Variants in LRRIQ3 observed in about 807,000 individuals in gnomAD.
LRRIQ3 encodes the protein leucine rich repeats and IQ motif containing 3.
LRRIQ3 carries 75 observed loss-of-function variants against 59.3 expected under a neutral mutation model. That is an observed-to-expected ratio of 1.26 (90% CI 1.05 to 1.53). The LOEUF (loss-of-function observed/expected upper bound fraction) is 1.53. Among genes scored for constraint, LRRIQ3 ranks in the 40% most tolerant of loss-of-function variants. LRRIQ3 has a pLI of 0.00. For missense variants in LRRIQ3, 831 were observed against 710.0 expected, an observed-to-expected ratio of 1.17 and a Z score of -1.94; for synonymous variants, 250 against 231.3, an observed-to-expected ratio of 1.08 and a Z score of -0.73.
Position 74,076,353 on chromosome 1 carries a change from C to T in LRRIQ3, c.868-1563G>A, listed in dbSNP as rs192618660. Reference sequence around the variant, plus strand: ...TTGTGAAGTTCTTTATGGATATTAACTCATTTAATAATCAAAACAACCATA... The same window carrying T: ...TTGTGAAGTTCTTTATGGATATTAATTCATTTAATAATCAAAACAACCATA... On this transcript the variant is annotated intron_variant, in intron 5 of 7. Coordinates refer to ENST00000354431, the MANE Select transcript of LRRIQ3 (RefSeq NM_001105659.2). Among the ~76,000 whole-genome samples the T allele has an allele frequency of 1.1e-4, 17 of 152,190 alleles. No homozygotes were observed. The East Asian group carries it at 3.3e-3, about 29-fold the overall frequency.
chr1:74,093,072 T>G (rs1646411780), intron 5 of LRRIQ3, among the ~76,000 whole-genome samples: 1 of 151,784 alleles, frequency 6.6e-6, no homozygotes, highest in Non-Finnish European at 1.5e-5. Flanking sequence ...GGATAGAAAC[T>G]ACTGACATCA....
intron 1 of LRRIQ3, among the ~76,000 whole-genome samples, chr1:74,185,670 G>T (rs1005166522): frequency 6.6e-6 from 1 of 152,062 alleles, no homozygotes; most frequent in Non-Finnish European, 1.5e-5. Flanking sequence ...AGGGCCGGGC[G>T]CAGTGGCTCA....
rs1570114569 is a variant in LRRIQ3 at position 74,101,459 on chromosome 1, T to C, written c.867+7935A>G. Among the ~76,000 whole-genome samples, 4 of 152,294 alleles carry C rather than the reference T, an allele frequency of 2.6e-5. No individual in the cohort carries two copies. The South Asian group carries it at 8.3e-4, about 32-fold the overall frequency. On this transcript the variant is annotated intron_variant, in intron 5 of 7. Transcript: ENST00000354431. Reference sequence around the variant, plus strand: ...AATAGGAACACTTTTTATATGTTGATGGGACGGTAAACCAGTTCAAGCATT... The same window carrying C: ...AATAGGAACACTTTTTATATGTTGACGGGACGGTAAACCAGTTCAAGCATT...
intron 4 of LRRIQ3, among the ~76,000 whole-genome samples, chr1:74,145,121 G>A (rs111866378): frequency 3.0e-4 from 45 of 152,118 alleles, no homozygotes; most frequent in African/African-American, 9.4e-4. Flanking sequence ...TATCACTAGC[G>A]TATGAATGAC....
In LRRIQ3 at chr1:74,041,258, G is replaced by C; in HGVS notation, c.1673C>G (p.Ala558Gly). Reference protein sequence around the residue: ...KSLIVKQKLKAEKYRKNLLKE... With the variant: ...KSLIVKQKLKGEKYRKNLLKE... ...AAGTAAATTCTTTCTATATTTTTCT[G>C]CTTTTAGTTTTTGCTTAACAATCAG... Residue 558 changes from alanine (A) to glycine (G), a missense_variant, in exon 7 of 8, where the codon GCA (alanine) becomes GGA (glycine). By Grantham distance (60) the Ala-to-Gly change is moderately conservative. Transcript: ENST00000354431. The C allele has an allele frequency of 1.1e-5, 17 of 1,591,878 alleles. No homozygotes were observed. The highest frequency in any genetic ancestry group is 1.4e-5 in the Non-Finnish European group (17 of 1,172,740).
intron 5 of LRRIQ3, among the ~76,000 whole-genome samples, chr1:74,089,614 CGCTTATATTAAA>C (rs1161274273): frequency 6.6e-6 from 1 of 151,792 alleles, no homozygotes; most frequent in Admixed American, 6.6e-5. Flanking sequence ...TGCATGATTC[CGCTTATATTAAA>C]TGCCAAGAAT....
chr1:74,078,080 A>G (rs962535209), intron 5 of LRRIQ3, among the ~76,000 whole-genome samples: 1 of 151,984 alleles, frequency 6.6e-6, no homozygotes, highest in African/African-American at 2.4e-5. Context: ...ATCAAATACA[A>G]TTTCATTTTT....
At position 74,142,712 on chromosome 1, in the gene LRRIQ3, G is replaced by A. The variant is rs186152309; in HGVS notation, c.707+13021C>T. ...GGGTATATTCATCTGAACCCATAAA[G>A]AAGCAGACAGAGGCGATCATGCTGT... On this transcript the variant is annotated intron_variant, in intron 4 of 7. Coordinates refer to ENST00000354431, the MANE Select transcript of LRRIQ3 (RefSeq NM_001105659.2). 7.8e-4 allele frequency among the ~76,000 whole-genome samples: 119 copies of A among 152,086 alleles called. 1 individual carries two copies. Among genetic ancestry groups the A allele is most frequent in the African/African-American group, 2.8e-3 (118 of 41,520 alleles).
intron 1 of LRRIQ3, among the ~76,000 whole-genome samples, chr1:74,185,660 A>G (rs1162550974): frequency 2.0e-5 from 3 of 152,114 alleles, no homozygotes; most frequent in African/African-American, 7.2e-5. Flanking sequence ...AGTCCTTGAA[A>G]GGGCCGGGCG....
intron 5 of LRRIQ3, chr1:74,082,788 T>C (rs1349434134): frequency 6.6e-6 from 1 of 151,610 alleles, no homozygotes; most frequent in African/African-American, 2.4e-5. Context: ...TAAGGCATAT[T>C]ACAATCTACT....
At chr1:74,131,180 A>G (rs1647012031) in intron 4 of LRRIQ3, among the ~76,000 whole-genome samples, 1 of 152,144 alleles carries the variant, frequency 6.6e-6, no homozygotes, top group African/African-American at 2.4e-5. Flanking sequence ...ACCAGGAGGA[A>G]GCTGAATCCC....
chr1:74,139,785 T>C (rs1029620211), intron 4 of LRRIQ3, among the ~76,000 whole-genome samples: 28 of 151,954 alleles, frequency 1.8e-4, no homozygotes, highest in African/African-American at 5.1e-4. Context: ...AGCATGAAAG[T>C]TGAAAAGGAG....
chr1:74,031,786 A>G (rs925795667), intron 7 of LRRIQ3, among the ~76,000 whole-genome samples: 9 of 152,118 alleles, frequency 5.9e-5, no homozygotes, highest in African/African-American at 2.2e-4. Flanking sequence ...AAAAAGTCTT[A>G]GAGAATGAGA....
intron 4 of LRRIQ3, among the ~76,000 whole-genome samples, chr1:74,118,327 T>C (rs1646805263): frequency 6.6e-6 from 1 of 152,188 alleles, no homozygotes; most frequent in Non-Finnish European, 1.5e-5. Flanking sequence ...AAGAAGTTTG[T>C]TAAATGTATT....
At chr1:74,144,584 A>G (rs948878728) in intron 4 of LRRIQ3, 4 of 268,030 alleles carry the variant, frequency 1.5e-5, no homozygotes, top group African/African-American at 2.4e-5. Context: ...AAAAAAAACC[A>G]TTTACCAAAT....
chr1:74,195,791 T>C (rs1651077318), intron 1 of LRRIQ3, among the ~76,000 whole-genome samples: 1 of 152,184 alleles, frequency 6.6e-6, no homozygotes, highest in Admixed American at 6.5e-5. Context: ...TATTTTACTC[T>C]GGTAAAATGA....
intron 5 of LRRIQ3, among the ~76,000 whole-genome samples, chr1:74,087,381 CTTTTTTTTTT>C (rs57068994): frequency 8.5e-5 from 5 of 59,006 alleles, no homozygotes; most frequent in African/African-American, 2.9e-4. Context: ...AAAATTTTAT[CTTTTTTTTTT>C]TTTTTTTTTT....
chr1:74,183,293 T>C (rs1214323839), intron 2 of LRRIQ3, 143 bp downstream of exon 2: 3 of 651,282 alleles, frequency 4.6e-6, no homozygotes, highest in Admixed American at 3.1e-5. Flanking sequence ...ACATCTTACA[T>C]GCTTTTAATT....
intron 5 of LRRIQ3, among the ~76,000 whole-genome samples, chr1:74,096,501 C>T (rs887830461): frequency 1.3e-5 from 2 of 152,024 alleles, no homozygotes; most frequent in Non-Finnish European, 2.9e-5. Flanking sequence ...TTATAACTTC[C>T]TCCTTTGGCT....
Sources: gnomAD v4.1 joint callset for allele counts (sites outside exome capture counted in the v4.1 genomes callset) on GRCh38, gnomAD v4.1.1 for gene constraint, MANE v1.5 for transcripts, NCBI Gene and HGNC (gene_info 2026-07-23, HGNC 2026-07-21) for gene names.